DLGAP1: variants seen among roughly 807,000 people sequenced by gnomAD.
The protein encoded by DLGAP1 is DLG associated protein 1, also known as disks large-associated protein 1.
In DLGAP1, 11 loss-of-function variants were observed where a neutral mutation model predicts 90.8. That is an observed-to-expected ratio of 0.12 (90% CI 0.08 to 0.20). The LOEUF is 0.20. Ranked by LOEUF, DLGAP1 falls within the 10% of genes least tolerant of loss-of-function variation. The pLI, the probability that DLGAP1 is intolerant of heterozygous loss-of-function variation, is 1.00. For synonymous variants in DLGAP1, 558 were observed against 540.7 expected, an observed-to-expected ratio of 1.03 and a Z score of -0.44; for missense variants, 1,050 against 1,333.8, an observed-to-expected ratio of 0.79 and a Z score of 3.31.
intron 11 of DLGAP1, 66 bp from the exon 12 acceptor site, chr18:3,502,711 G>A: frequency 6.5e-7 from 1 of 1,534,028 alleles, no homozygotes; most frequent in South Asian, 1.3e-5. Context: ...GGGCCAAAAA[G>A]GCATTTTCAA....
At chr18:3,587,771 A>C (rs775412350) in intron 7 of DLGAP1, among the ~76,000 whole-genome samples, 12 of 152,218 alleles carry the variant, frequency 7.9e-5, no homozygotes, top group Non-Finnish European at 1.6e-4. Context: ...CGGGAGGAAC[A>C]AACAACTCCG....
intron 2 of DLGAP1, among the ~76,000 whole-genome samples, chr18:4,093,667 T>G (rs1175726557): frequency 1.3e-5 from 2 of 152,188 alleles, no homozygotes; most frequent in Non-Finnish European, 1.5e-5. Context: ...TAGCAGAGTT[T>G]GTTTTGTTTT....
rs74800799 is a variant in DLGAP1, at chr18:4,252,247, G to A, written c.-266-100960C>T. Among the ~76,000 whole-genome samples, 522 of 152,288 alleles carry A rather than the reference G, an allele frequency of 3.4e-3. 4 individuals are homozygous for A. Among genetic ancestry groups the A allele is most frequent in the African/African-American group, 0.012 (510 of 41,572 alleles). ...AGGAAGGTATTCTATGGAATTTTGG[G>A]CTAGTCTCATTTCTCTTTTGCCTCA... On this transcript the variant is annotated intron_variant, in intron 1 of 12. Transcript: ENST00000315677.
chr18:4,129,138 AC>A (rs2076275511), intron 2 of DLGAP1, among the ~76,000 whole-genome samples: 1 of 152,200 alleles, frequency 6.6e-6, no homozygotes, highest in Admixed American at 6.5e-5. Context: ...TAGAGGGGCT[AC>A]CGAAATGTGA....
chr18:3,579,913 A>G (rs969937415), intron 8 of DLGAP1, among the ~76,000 whole-genome samples: 1 of 152,106 alleles, frequency 6.6e-6, no homozygotes, highest in Non-Finnish European at 1.5e-5. Context: ...TCCCACATCT[A>G]TGGGAAGTGA....
rs547743949 is a variant in DLGAP1, at chr18:3,551,569, T to C, written c.2057+15921A>G. 2.0e-5 allele frequency among the ~76,000 whole-genome samples: 3 copies of C among 152,120 alleles called. No individual in the cohort carries two copies. The East Asian group carries it at 5.8e-4, about 29-fold the overall frequency. On this transcript the variant is annotated intron_variant, in intron 9 of 12. Coordinates refer to ENST00000315677, the MANE Select transcript of DLGAP1 (RefSeq NM_004746.4). Reference sequence around the variant, plus strand: ...AGCCACAGTTCCACTATTATTTCTATGAACACTTTTCTTTTCTTTCTTTCT... The same window carrying C: ...AGCCACAGTTCCACTATTATTTCTACGAACACTTTTCTTTTCTTTCTTTCT...
intron 7 of DLGAP1, among the ~76,000 whole-genome samples, chr18:3,643,796 G>C (rs2059025639): frequency 6.6e-6 from 1 of 151,862 alleles, no homozygotes; most frequent in Non-Finnish European, 1.5e-5. Flanking sequence ...CCAAAAGTTT[G>C]ATGAAAGAGT....
intron 7 of DLGAP1, among the ~76,000 whole-genome samples, chr18:3,642,785 T>A (rs2058984661): frequency 6.6e-6 from 1 of 152,208 alleles, no homozygotes; most frequent in Non-Finnish European, 1.5e-5. Context: ...ATAAGATACA[T>A]TCTTTGTCCA....
chr18:3,886,628 ACT>A (rs202094921), intron 3 of DLGAP1, among the ~76,000 whole-genome samples: 2 of 151,890 alleles, frequency 1.3e-5, no homozygotes, highest in African/African-American at 4.8e-5. Flanking sequence ...CATCCTTCTA[ACT>A]CTCTATCTCT....
intron 5 of DLGAP1, among the ~76,000 whole-genome samples, chr18:3,795,267 A>G (rs2065931956): frequency 6.6e-6 from 1 of 152,154 alleles, no homozygotes; most frequent in African/African-American, 2.4e-5. Flanking sequence ...AAACTAAGCT[A>G]AACACTTATT....
chr18:4,096,723 C>T (rs1346088427), intron 2 of DLGAP1, among the ~76,000 whole-genome samples: 1 of 152,204 alleles, frequency 6.6e-6, no homozygotes, highest in Non-Finnish European at 1.5e-5. Context: ...ACGTGACTCA[C>T]AGCTATGTTT....
chr18:4,015,433 G>C (rs2074505582), intron 2 of DLGAP1, among the ~76,000 whole-genome samples: 1 of 152,086 alleles, frequency 6.6e-6, no homozygotes, highest in South Asian at 2.1e-4. Flanking sequence ...CTATGATTTT[G>C]GTATCCTTAC....
intron 1 of DLGAP1, among the ~76,000 whole-genome samples, chr18:4,197,471 G>A (rs576454814): frequency 2.6e-5 from 4 of 152,088 alleles, no homozygotes; most frequent in Non-Finnish European, 5.9e-5. Context: ...TGTTAGGGGA[G>A]TGACGATCAA....
At chr18:4,008,707 A>C (rs763637577) in intron 2 of DLGAP1, among the ~76,000 whole-genome samples, 1 of 152,224 alleles carries the variant, frequency 6.6e-6, no homozygotes, top group Non-Finnish European at 1.5e-5. Flanking sequence ...AACAATTCCT[A>C]TACAACTACC....
At chr18:3,593,230 C>CT (rs1230780099) in intron 7 of DLGAP1, among the ~76,000 whole-genome samples, 2 of 152,216 alleles carry the variant, frequency 1.3e-5, no homozygotes, top group African/African-American at 4.8e-5. Flanking sequence ...TGCAGGAACT[C>CT]TTAAGTTTCA....
At chr18:3,669,063 T>G (rs922939364) in intron 7 of DLGAP1, among the ~76,000 whole-genome samples, 1 of 151,968 alleles carries the variant, frequency 6.6e-6, no homozygotes, top group African/African-American at 2.4e-5. Flanking sequence ...TACAGCATCT[T>G]TGAACAAAGG....
chr18:3,763,891 A>C (rs1183008984), intron 5 of DLGAP1, among the ~76,000 whole-genome samples: 1 of 152,012 alleles, frequency 6.6e-6, no homozygotes, highest in Admixed American at 6.6e-5. Context: ...CGAACTACTG[A>C]CCTCAGGTGA....
At chr18:4,153,790 T>A (rs1350393408) in intron 1 of DLGAP1, among the ~76,000 whole-genome samples, 1 of 152,156 alleles carries the variant, frequency 6.6e-6, no homozygotes, top group African/African-American at 2.4e-5. Flanking sequence ...GTCCCTTTCT[T>A]TGGGGTCTGC....
At chr18:3,563,630 C>T (rs1336825022) in intron 9 of DLGAP1, among the ~76,000 whole-genome samples, 6 of 151,942 alleles carry the variant, frequency 3.9e-5, no homozygotes, top group East Asian at 1.9e-4. Flanking sequence ...CCACCATACC[C>T]GGCTAATTTT....
Sources: allele counts gnomAD v4.1 joint callset (sites outside exome capture counted in the v4.1 genomes callset), GRCh38; gene constraint gnomAD v4.1.1; transcripts MANE v1.5; gene names NCBI Gene and HGNC (gene_info 2026-07-23, HGNC 2026-07-21).